The following MAPT variants were observed in gnomAD, a reference collection of about 807,000 sequenced individuals.
MAPT encodes the protein microtubule-associated protein tau.
Under a neutral mutation model 67.9 loss-of-function variants are expected in MAPT, and 34 were observed. That is an observed-to-expected ratio of 0.50 (90% CI 0.38 to 0.67). MAPT has a LOEUF of 0.67. MAPT is among the 30% of genes least tolerant of loss of function. The pLI is 0.00. For missense variants in MAPT, 881 were observed against 1,115.2 expected, an observed-to-expected ratio of 0.79 and a Z score of 2.99; for synonymous variants, 456 against 464.5, an observed-to-expected ratio of 0.98 and a Z score of 0.23.
intron 9 of MAPT, among the ~76,000 whole-genome samples, chr17:45,997,870 C>T (rs541680028): frequency 2.3e-4 from 35 of 152,146 alleles, no homozygotes; most frequent in Admixed American, 7.8e-4. Context: ...AATAGAGTCA[C>T]ATTCTAAGGT....
intron 1 of MAPT, chr17:45,895,621 C>T (rs2063139293): frequency 6.6e-6 from 1 of 152,370 alleles, no homozygotes; most frequent in Non-Finnish European, 1.5e-5. Flanking sequence ...GCGCAGGGCG[C>T]CCGGCGTGTG....
At chr17:45,975,311 G>C (rs1254269335) in intron 3 of MAPT, 1 of 152,254 alleles carries the variant, frequency 6.6e-6, no homozygotes, top group Non-Finnish European at 1.5e-5. Context: ...CCAGAAAAGA[G>C]TTTCCTTTCC....
intron 5 of MAPT, among the ~76,000 whole-genome samples, chr17:45,986,674 G>C (rs1335745192): frequency 6.6e-6 from 1 of 152,220 alleles, no homozygotes; most frequent in Non-Finnish European, 1.5e-5. Context: ...AGTGGGGTGA[G>C]GCTGACCCTG....
Position 45,941,698 on chromosome 17 carries a change from CCTG to C in MAPT, c.-17-20621_-17-20619del, listed in dbSNP as rs1425747205. ...CCCTTCCCTCCTTCCTTCCTTCCTT[CCTG>C]CCTGCCTTCCTTCCTTCCTTCCTTC... On this transcript the variant is annotated intron_variant, in intron 1 of 12. Coordinates refer to ENST00000262410, the MANE Select transcript of MAPT (RefSeq NM_001377265.1). Among the ~76,000 whole-genome samples, 32 of 57,750 alleles carry C rather than the reference CCTG, an allele frequency of 5.5e-4. 2 individuals are homozygous for C. The highest frequency in any genetic ancestry group is 4.3e-3 in the Admixed American group (22 of 5,094). The allele number at this position is 57,750 out of a possible 152,430, so 37.9% of individuals were successfully genotyped here.
intron 5 of MAPT, among the ~76,000 whole-genome samples, chr17:45,985,492 GGCCCAGT>G (rs2073447408): frequency 6.6e-6 from 1 of 152,074 alleles, no homozygotes; most frequent in South Asian, 2.1e-4. Flanking sequence ...AGAGTTCCAT[GGCCCAGT>G]GACTGGGGGA....
rs1252097589 is a variant in MAPT at position 45,915,028 on chromosome 17, AAAAAGATT to A, written c.-18+20346_-18+20353del. 6.6e-6 allele frequency among the ~76,000 whole-genome samples: 1 copy of A among 152,138 alleles called. No homozygotes were observed. Among genetic ancestry groups the A allele is most frequent in the Admixed American group, 6.6e-5 (1 of 15,266 alleles). The stretch of plus-strand genomic sequence containing the variant: ...ACCCTGCCCAGCCAATTGCTTTTTA[AAAAAGATT>A]AAATGCATGTATACGCTCAGGCATC... On this transcript the variant is annotated intron_variant, in intron 1 of 12. Coordinates refer to ENST00000262410, the MANE Select transcript of MAPT (RefSeq NM_001377265.1). The surrounding 1 kb of genome is among the most constrained non-coding windows in gnomAD (Gnocchi z 4.4).
At chr17:45,916,867 AGC>A (rs2065246671) in intron 1 of MAPT, among the ~76,000 whole-genome samples, 1 of 152,216 alleles carries the variant, frequency 6.6e-6, no homozygotes, top group South Asian at 2.1e-4. Context: ...AAGCTGGACT[AGC>A]ACAGGTGTCC....
intron 7 of MAPT, among the ~76,000 whole-genome samples, chr17:45,991,248 C>G (rs1035444203): frequency 6.6e-6 from 1 of 152,162 alleles, no homozygotes; most frequent in African/African-American, 2.4e-5. Flanking sequence ...GAAATGTCCT[C>G]AGGGAACTTG....
At chr17:45,899,220 A>G (rs972260208) in intron 1 of MAPT, among the ~76,000 whole-genome samples, 2 of 152,070 alleles carry the variant, frequency 1.3e-5, no homozygotes, top group Non-Finnish European at 2.9e-5. Context: ...CAACTCGGGG[A>G]GGGTGCTACT....
intron 1 of MAPT, among the ~76,000 whole-genome samples, chr17:45,910,209 C>T (rs118141464): frequency 6.6e-6 from 1 of 152,236 alleles, no homozygotes; most frequent in Non-Finnish European, 1.5e-5. Context: ...GGGAGGTCCC[C>T]CCACTCCCCA....
intron 12 of MAPT, 44 bp downstream of exon 12, chr17:46,018,774 G>T (rs764360167): frequency 7.3e-7 from 1 of 1,361,580 alleles, no homozygotes; most frequent in South Asian, 1.2e-5. Flanking sequence ...TGGGTATATG[G>T]GCATTAATCA....
chr17:45,935,361 A>G (rs2067229129), intron 1 of MAPT, among the ~76,000 whole-genome samples: 1 of 151,870 alleles, frequency 6.6e-6, no homozygotes, highest in Admixed American at 6.6e-5. Flanking sequence ...TCGCAGCTTC[A>G]TTACATAACC....
chr17:45,974,586 T>C lies in MAPT; in HGVS notation c.220+2641T>C, dbSNP rs2072120162. 3 of 818,078 alleles carry C rather than the reference T, an allele frequency of 3.7e-6. No individual in the cohort carries two copies. The African/African-American group carries it at 5.1e-5, about 14-fold the overall frequency. 50.7% of individuals were successfully genotyped at this position (818,078 alleles called of 1,614,324 possible). ...TTTATCCTCCTGTGGGGCAGGAACA[T>C]GGGTGGATTCTGGCTCCTGGGAATC... On this transcript the variant is annotated intron_variant, in intron 3 of 12. Coordinates refer to ENST00000262410, the MANE Select transcript of MAPT (RefSeq NM_001377265.1).
rs545988842 is a variant in MAPT, at chr17:45,940,434, T to C, written c.-17-21887T>C. On this transcript the variant is annotated intron_variant, in intron 1 of 12. Transcript: ENST00000262410. ...GGGAATCTGGACAGAATCTACCCCA[T>C]AGGGCGTAGTGAGGATGTGTTGAAT... Among the ~76,000 whole-genome samples, 3 of 152,306 alleles carry C rather than the reference T, an allele frequency of 2.0e-5. No individual in the cohort carries two copies. In the South Asian group the frequency reaches 6.2e-4, roughly 32 times the overall value.
In MAPT at chr17:46,024,734, G is replaced by GGGGAGAGGAAGCACAAGAAGTGGGAGT. The variant is rs1355669447; in HGVS notation, c.*576_*602dup. 2 of 188,734 alleles carry GGGGAGAGGAAGCACAAGAAGTGGGAGT rather than the reference G, an allele frequency of 1.1e-5. No individual in the cohort carries two copies. Among genetic ancestry groups the GGGGAGAGGAAGCACAAGAAGTGGGAGT allele is most frequent in the Non-Finnish European group, 2.2e-5 (2 of 89,154 alleles). 11.7% of individuals were successfully genotyped at this position (188,734 alleles called of 1,614,324 possible). ...GAGGCCGAGGCAGGGGCTGGGCAGA[G>GGGGAGAGGAAGCACAAGAAGTGGGAGT]GGGAGAGGAAGCACAAGAAGTGGGA... On this transcript the variant is annotated 3_prime_UTR_variant, in exon 13 of 13. Coordinates refer to ENST00000262410, the MANE Select transcript of MAPT (RefSeq NM_001377265.1).
At chr17:45,943,164 G>A (rs1173482561) in intron 1 of MAPT, among the ~76,000 whole-genome samples, 1 of 152,164 alleles carries the variant, frequency 6.6e-6, no homozygotes, top group Non-Finnish European at 1.5e-5. Context: ...AGCAATTCTT[G>A]TGCCTCAGCC....
At chr17:46,018,489 T>C in intron 11 of MAPT, 129 bp from the exon 12 acceptor site, 1 of 791,760 alleles carries the variant, frequency 1.3e-6, no homozygotes, top group Non-Finnish European at 2.3e-6. Context: ...GCACCCAATC[T>C]AATTTTTGCT....
chr17:45,974,494 C>G, intron 3 of MAPT: 9 of 1,576,734 alleles, frequency 5.7e-6, no homozygotes, highest in Non-Finnish European at 7.8e-6. Flanking sequence ...CCCAGAGACC[C>G]CCAGGCAGTC....
intron 1 of MAPT, among the ~76,000 whole-genome samples, chr17:45,926,192 C>T (rs1363059263): frequency 6.7e-6 from 1 of 149,730 alleles, no homozygotes; most frequent in African/African-American, 2.5e-5. Flanking sequence ...GTCTGGGCAA[C>T]AGAGTAAGAC....
Sources: allele counts gnomAD v4.1 joint callset (sites outside exome capture counted in the v4.1 genomes callset), GRCh38; gene constraint gnomAD v4.1.1; non-coding constraint Gnocchi (gnomAD v3.1); transcripts MANE v1.5; gene names NCBI Gene and HGNC (gene_info 2026-07-23, HGNC 2026-07-21).